Variants in MMRN1 observed in about 807,000 individuals in gnomAD.
MMRN1 encodes multimerin 1, also known as multimerin-1.
In MMRN1, 94 loss-of-function variants were observed where a neutral mutation model predicts 100.7. The ratio of observed to expected loss-of-function variants is 0.93; its 90% CI spans 0.79 to 1.11. The LOEUF (loss-of-function observed/expected upper bound fraction) is 1.11. Among genes scored for constraint, MMRN1 ranks in the 50% least tolerant of loss-of-function variants. The pLI is 0.00. For synonymous variants in MMRN1, 575 were observed against 505.0 expected, an observed-to-expected ratio of 1.14 and a Z score of -1.86; for missense variants, 1,606 against 1,439.1, an observed-to-expected ratio of 1.12 and a Z score of -1.88.
intron 1 of MMRN1, among the ~76,000 whole-genome samples, chr4:89,904,929 G>A (rs1721516698): frequency 6.6e-6 from 1 of 151,442 alleles, no homozygotes; most frequent in African/African-American, 2.4e-5. Context: ...ATAAAAATAG[G>A]TTTGTTAAGA....
chr4:89,903,933 C>A, intron 1 of MMRN1, among the ~76,000 whole-genome samples: 1 of 143,564 alleles, frequency 7.0e-6, no homozygotes, highest in South Asian at 2.2e-4. Flanking sequence ...CAGAAATACA[C>A]TCTCTTCTTT....
At chr4:89,939,158 A>G (rs1722746337) in intron 6 of MMRN1, among the ~76,000 whole-genome samples, 1 of 152,104 alleles carries the variant, frequency 6.6e-6, no homozygotes, top group Non-Finnish European at 1.5e-5. Flanking sequence ...CCTGTTTTAT[A>G]CCAGGGGTGG....
intron 1 of MMRN1, among the ~76,000 whole-genome samples, chr4:89,906,824 T>C (rs1203949980): frequency 2.0e-5 from 3 of 151,538 alleles, no homozygotes; most frequent in Non-Finnish European, 4.4e-5. Context: ...TGCTGGGCCA[T>C]GAGCAGTCTG....
At chr4:89,942,452 C>T (rs1013167636) in intron 6 of MMRN1, among the ~76,000 whole-genome samples, 1 of 152,172 alleles carries the variant, frequency 6.6e-6, no homozygotes. Context: ...TCTAAGTGAA[C>T]ATGATATTTT....
intron 3 of MMRN1, among the ~76,000 whole-genome samples, chr4:89,916,364 G>GAAAA (rs33949270): frequency 5.8e-5 from 8 of 138,396 alleles, no homozygotes; most frequent in Non-Finnish European, 9.3e-5. Context: ...CTTAGATTCT[G>GAAAA]AAAAAAAAAA....
At chr4:89,941,308 T>C (rs548415211) in intron 6 of MMRN1, among the ~76,000 whole-genome samples, 55 of 152,270 alleles carry the variant, frequency 3.6e-4, no homozygotes, top group Admixed American at 1.4e-3. Flanking sequence ...CTGTGGCTTA[T>C]TATGGCAAAA....
chr4:89,948,414 A>C (rs1171035184), intron 6 of MMRN1, among the ~76,000 whole-genome samples: 1 of 152,216 alleles, frequency 6.6e-6, no homozygotes, highest in Non-Finnish European at 1.5e-5. Flanking sequence ...CAGAGATGGT[A>C]ACTCATGTCT....
chr4:89,884,025 C>T (rs1325576451), intron 1 of MMRN1, among the ~76,000 whole-genome samples: 1 of 151,936 alleles, frequency 6.6e-6, no homozygotes, highest in Non-Finnish European at 1.5e-5. Flanking sequence ...GTACCTTTGT[C>T]CAAAATTGGT....
chr4:89,927,478 T>C (rs1384098263), intron 4 of MMRN1, among the ~76,000 whole-genome samples: 1 of 152,162 alleles, frequency 6.6e-6, no homozygotes, highest in African/African-American at 2.4e-5. Flanking sequence ...CCTGCAATTT[T>C]ACTGAATTCA....
chr4:89,902,849 A>T (rs549519825), intron 1 of MMRN1, among the ~76,000 whole-genome samples: 3 of 152,142 alleles, frequency 2.0e-5, no homozygotes, highest in Admixed American at 6.6e-5. Context: ...CAATTTATTT[A>T]TATGATTCTT....
At chr4:89,879,996 A>G (rs914285253) in intron 1 of MMRN1, among the ~76,000 whole-genome samples, 1 of 152,200 alleles carries the variant, frequency 6.6e-6, no homozygotes, top group South Asian at 2.1e-4. Flanking sequence ...AATTTTACAG[A>G]TATTCTGACT....
intron 3 of MMRN1, among the ~76,000 whole-genome samples, chr4:89,916,612 T>C (rs369825386): frequency 1.4e-4 from 21 of 151,854 alleles, no homozygotes; most frequent in East Asian, 1.4e-3. Context: ...AATTTTAGTG[T>C]GCAGGAAAAC....
chr4:89,941,013 T>A (rs944899702), intron 6 of MMRN1, among the ~76,000 whole-genome samples: 2 of 152,140 alleles, frequency 1.3e-5, no homozygotes, highest in Non-Finnish European at 2.9e-5. Flanking sequence ...TAAAAACATG[T>A]GCATTGATAA....
chr4:89,889,389 C>T (rs1478051492), intron 1 of MMRN1, among the ~76,000 whole-genome samples: 2 of 152,116 alleles, frequency 1.3e-5, no homozygotes, highest in Non-Finnish European at 2.9e-5. Flanking sequence ...AAGTTTCCTT[C>T]CCCACTCTGC....
chr4:89,927,590 T>G (rs1347953109), intron 4 of MMRN1, among the ~76,000 whole-genome samples: 2 of 152,128 alleles, frequency 1.3e-5, no homozygotes, highest in Non-Finnish European at 2.9e-5. Context: ...CCTTTCTAAT[T>G]TGAATGCCCT....
chr4:89,927,886 G>A lies in MMRN1; in HGVS notation c.1047G>A (p.Val349=). Reference sequence around the variant, plus strand: ...AGATTGACAATATTTCTTTGACTGTGAATGATGTAAGGAACACTTACTCCT... The same window carrying A: ...AGATTGACAATATTTCTTTGACTGTAAATGATGTAAGGAACACTTACTCCT... The part of the protein sequence containing the change: ...QKKIDNISLT[V]NDVRNTYSSL... Residue 349 remains valine (V), a synonymous_variant, in exon 5 of 8, where the codon GTG becomes GTA. Transcript: ENST00000264790. The A allele has an allele frequency of 6.2e-7, 1 of 1,611,858 alleles. No homozygotes were observed. The highest frequency in any genetic ancestry group is 1.1e-5 in the South Asian group (1 of 90,640).
rs1218992287 is a variant in MMRN1 at position 89,895,578 on chromosome 4, G to A, written c.607G>A (p.Glu203Lys). ...QRTDYQKSNF[E>K]TTRGKNWCAY... ...AACTGACTACCAAAAATCAAATTTC[G>A]AAACAACTAGAGGAAAGTAAGAAAT... The change falls in exon 1 of 8, where the codon GAA (glutamate) becomes AAA (lysine). Residue 203 changes from glutamate (E) to lysine (K), a missense_variant. By Grantham distance (56) the Glu-to-Lys change is moderately conservative. Coordinates refer to ENST00000264790, the MANE Select transcript of MMRN1 (RefSeq NM_007351.3). 12 of 1,613,164 alleles carry A rather than the reference G, an allele frequency of 7.4e-6. No homozygotes were observed. Among genetic ancestry groups the A allele is most frequent in the Admixed American group, 3.3e-5 (2 of 59,910 alleles).
chr4:89,879,935 CT>C (rs1309531175), intron 1 of MMRN1, among the ~76,000 whole-genome samples: 1 of 152,120 alleles, frequency 6.6e-6, no homozygotes, highest in Non-Finnish European at 1.5e-5. Context: ...AATCAACAAA[CT>C]TTGTACTGTG....
chr4:89,903,906 A>AAC (rs778159714), intron 1 of MMRN1, among the ~76,000 whole-genome samples: 15 of 150,802 alleles, frequency 9.9e-5, no homozygotes, highest in Non-Finnish European at 2.1e-4. Context: ...AGAAAAAAAA[A>AAC]AAAAAAACTC....
Sources: allele counts gnomAD v4.1 joint callset (sites outside exome capture counted in the v4.1 genomes callset), GRCh38; gene constraint gnomAD v4.1.1; transcripts MANE v1.5; gene names NCBI Gene and HGNC (gene_info 2026-07-23, HGNC 2026-07-21).